The following FCHSD2 variants were observed in gnomAD, a reference collection of about 807,000 sequenced individuals.
FCHSD2 encodes the protein FCH and double SH3 domains 2, also known as F-BAR and double SH3 domains protein 2.
Under a neutral mutation model 108.1 loss-of-function variants are expected in FCHSD2, and 38 were observed. The observed-to-expected ratio is 0.35, with a 90% CI of 0.27 to 0.46. The LOEUF is 0.46. Ranked by LOEUF, FCHSD2 falls within the 20% of genes least tolerant of loss-of-function variation. The pLI is 1.00. For missense variants in FCHSD2, 751 were observed against 897.8 expected, an observed-to-expected ratio of 0.84 and a Z score of 2.09; for synonymous variants, 279 against 314.7, an observed-to-expected ratio of 0.89 and a Z score of 1.20.
chr11:73,039,000 G>A (rs1432036941), intron 3 of FCHSD2, among the ~76,000 whole-genome samples: 1 of 152,100 alleles, frequency 6.6e-6, no homozygotes, highest in African/African-American at 2.4e-5. Flanking sequence ...CTATCAAGTT[G>A]TATCAACTTA....
intron 13 of FCHSD2, among the ~76,000 whole-genome samples, chr11:72,851,325 T>A (rs1034280905): frequency 6.6e-6 from 1 of 152,200 alleles, no homozygotes. Flanking sequence ...TATTTTAAGA[T>A]GTTTACTGCA....
At chr11:72,991,066 A>G (rs1857402432) in intron 5 of FCHSD2, among the ~76,000 whole-genome samples, 1 of 152,252 alleles carries the variant, frequency 6.6e-6, no homozygotes, top group African/African-American at 2.4e-5. Context: ...AACTACCATC[A>G]GAGAATACTA....
intron 10 of FCHSD2, among the ~76,000 whole-genome samples, chr11:72,896,782 A>G (rs1187967293): frequency 2.3e-4 from 34 of 150,644 alleles, no homozygotes; most frequent in South Asian, 2.1e-4. Context: ...AAAAAAAAAA[A>G]AAAAAAAAGA....
At chr11:72,854,964 C>T (rs1861385783) in intron 13 of FCHSD2, among the ~76,000 whole-genome samples, 1 of 151,246 alleles carries the variant, frequency 6.6e-6, no homozygotes, top group South Asian at 2.1e-4. Flanking sequence ...ATGGTGAAAC[C>T]CTATCTCTAC....
In FCHSD2 at chr11:72,867,944, A is replaced by T; in HGVS notation, c.1229T>A (p.Met410Lys). ...VSVDTWLKSA[M>K]NQVMEELENE... The stretch of plus-strand genomic sequence containing the variant: ...TTCCAGTTCTTCCATTACTTGGTTC[A>T]TGGCACTCTTTAGCCATGTGTCCAC... Residue 410 changes from methionine to lysine, a missense_variant, in exon 13 of 20, where the codon ATG becomes AAG. Physicochemically the swap from Met to Lys is moderately conservative, Grantham distance 95 (BLOSUM62 -1). Coordinates refer to ENST00000409418, the MANE Select transcript of FCHSD2 (RefSeq NM_014824.3). The T allele has an allele frequency of 6.2e-7, 1 of 1,605,240 alleles. No individual in the cohort carries two copies.
At chr11:73,042,246 T>C (rs935316762) in intron 3 of FCHSD2, among the ~76,000 whole-genome samples, 2 of 151,984 alleles carry the variant, frequency 1.3e-5, no homozygotes, top group Non-Finnish European at 2.9e-5. Flanking sequence ...TAAACTCTGG[T>C]GAAAGACAGG....
At chr11:72,940,302 T>A (rs975184230) in intron 8 of FCHSD2, among the ~76,000 whole-genome samples, 3 of 152,242 alleles carry the variant, frequency 2.0e-5, no homozygotes, top group African/African-American at 7.2e-5. Context: ...AAGGGCCTTT[T>A]ACAAAGCATG....
chr11:73,113,570 T>C lies in FCHSD2; in HGVS notation c.119+26461A>G, dbSNP rs577115071. Among the ~76,000 whole-genome samples the C allele has an allele frequency of 1.2e-4, 19 of 152,176 alleles. No homozygotes were observed. In the East Asian group the frequency reaches 2.9e-3, roughly 23 times the overall value. ...TTTTAGTAGAAACGGGGTTTCGCCA[T>C]GTTGCCAAGACTTGGCCTTGATGCT... On this transcript the variant is annotated intron_variant, in intron 2 of 19. Transcript: ENST00000409418.
At chr11:72,960,489 G>C (rs1341185715) in intron 8 of FCHSD2, among the ~76,000 whole-genome samples, 2 of 152,190 alleles carry the variant, frequency 1.3e-5, no homozygotes, top group Non-Finnish European at 2.9e-5. Context: ...TCCATGTGCT[G>C]TCATTCACTC....
At chr11:72,989,733 C>T (rs887987311) in intron 5 of FCHSD2, among the ~76,000 whole-genome samples, 6 of 152,202 alleles carry the variant, frequency 3.9e-5, no homozygotes, top group Non-Finnish European at 7.3e-5. Flanking sequence ...TTATAACACA[C>T]CGGGGCCAAG....
At chr11:72,844,351 A>C (rs1331621169) in intron 14 of FCHSD2, among the ~76,000 whole-genome samples, 2 of 152,176 alleles carry the variant, frequency 1.3e-5, no homozygotes, top group Non-Finnish European at 2.9e-5. Context: ...GGCCAAAAGA[A>C]AAAAATTGTA....
At chr11:72,954,093 G>A (rs1381791896) in intron 8 of FCHSD2, among the ~76,000 whole-genome samples, 2 of 152,056 alleles carry the variant, frequency 1.3e-5, no homozygotes, top group African/African-American at 2.4e-5. Context: ...AGACATAAAG[G>A]TAGGGGTGGG....
intron 3 of FCHSD2, among the ~76,000 whole-genome samples, chr11:73,016,618 GAAAGAGAAAA>G (rs1857980329): frequency 6.6e-6 from 1 of 152,180 alleles, no homozygotes; most frequent in South Asian, 2.1e-4. Flanking sequence ...CAAATACCAG[GAAAGAGAAAA>G]ACAAATTCAA....
At chr11:73,020,169 G>A (rs978764422) in intron 3 of FCHSD2, among the ~76,000 whole-genome samples, 8 of 152,130 alleles carry the variant, frequency 5.3e-5, no homozygotes, top group African/African-American at 1.9e-4. Flanking sequence ...GGCTTGCTTT[G>A]TTTTACCTCT....
rs550871505 is a variant in FCHSD2 at position 73,093,832 on chromosome 11, C to T, written c.120-10092G>A. ...GTTGGTCAGGCTGATCTCGAACTCC[C>T]GACCTCAGGTGATCTGCCCACCTCG... On this transcript the variant is annotated intron_variant, in intron 2 of 19. Coordinates refer to ENST00000409418, the MANE Select transcript of FCHSD2 (RefSeq NM_014824.3). Among the ~76,000 whole-genome samples, 364 of 152,166 alleles carry T rather than the reference C, an allele frequency of 2.4e-3. 1 individual carries two copies. The highest frequency in any genetic ancestry group is 8.3e-3 in the African/African-American group (345 of 41,566).
At chr11:72,846,016 T>A (rs1283635013) in intron 14 of FCHSD2, among the ~76,000 whole-genome samples, 1 of 152,106 alleles carries the variant, frequency 6.6e-6, no homozygotes, top group Non-Finnish European at 1.5e-5. Context: ...TTTGATAATA[T>A]CTTCCTCATA....
intron 13 of FCHSD2, among the ~76,000 whole-genome samples, chr11:72,857,770 A>G (rs1307493391): frequency 6.6e-6 from 1 of 152,010 alleles, no homozygotes; most frequent in African/African-American, 2.4e-5. Flanking sequence ...CTCTTATTGC[A>G]GAGGCAGGAA....
chr11:73,032,756 G>A (rs182268551), intron 3 of FCHSD2, among the ~76,000 whole-genome samples: 4 of 152,088 alleles, frequency 2.6e-5, no homozygotes, highest in Admixed American at 1.3e-4. Flanking sequence ...ACGAGAGGTG[G>A]GGTGCAAGTG....
intron 3 of FCHSD2, among the ~76,000 whole-genome samples, chr11:73,051,360 A>G (rs1417783699): frequency 6.6e-6 from 1 of 152,220 alleles, no homozygotes; most frequent in Admixed American, 6.5e-5. Context: ...AAATGTAAGC[A>G]TATTTTCATA....
Sources: gnomAD v4.1 joint callset for allele counts (sites outside exome capture counted in the v4.1 genomes callset) on GRCh38, gnomAD v4.1.1 for gene constraint, MANE v1.5 for transcripts, NCBI Gene and HGNC (gene_info 2026-07-23, HGNC 2026-07-21) for gene names.